The following CPA6 variants were observed in gnomAD, a reference collection of about 807,000 sequenced individuals.
CPA6 encodes the protein carboxypeptidase A6.
A neutral mutation model predicts 63.3 loss-of-function variants in CPA6; 58 were observed. That is an observed-to-expected ratio of 0.92 (90% confidence interval 0.74 to 1.14). The LOEUF (loss-of-function observed/expected upper bound fraction) is 1.14, where lower values mean the gene tolerates loss of function less well. CPA6 is among the 50% of genes most tolerant of loss of function. The pLI, the probability that CPA6 is intolerant of heterozygous loss-of-function variation, is 0.00. For missense variants in CPA6, 565 were observed against 526.6 expected, an observed-to-expected ratio of 1.07 and a Z score of -0.71; for synonymous variants, 185 against 179.0, an observed-to-expected ratio of 1.03 and a Z score of -0.27.
At chr8:67,690,817 T>A (rs1021746569) in intron 1 of CPA6, among the ~76,000 whole-genome samples, 2 of 152,210 alleles carry the variant, frequency 1.3e-5, no homozygotes, top group African/African-American at 2.4e-5. Context: ...TATGTCATAC[T>A]TCATATTCAA....
At chr8:67,733,934 G>A (rs1300515179) in intron 1 of CPA6, among the ~76,000 whole-genome samples, 1 of 151,020 alleles carries the variant, frequency 6.6e-6, no homozygotes, top group Non-Finnish European at 1.5e-5. Context: ...GAGCGCAGTG[G>A]TGCAATCATG....
chr8:67,519,879 A>T (rs139265851), intron 2 of CPA6, among the ~76,000 whole-genome samples: 249 of 152,188 alleles, frequency 1.6e-3, no homozygotes, highest in African/African-American at 5.8e-3. Context: ...ATTGTCAGGC[A>T]TTTTTCTTAA....
chr8:67,443,602 T>C (rs1397473211), intron 8 of CPA6, among the ~76,000 whole-genome samples: 1 of 152,212 alleles, frequency 6.6e-6, no homozygotes, highest in Non-Finnish European at 1.5e-5. Context: ...TTATCTAATT[T>C]TATAACATTC....
intron 2 of CPA6, among the ~76,000 whole-genome samples, chr8:67,588,199 G>A (rs1345251800): frequency 6.6e-6 from 1 of 152,152 alleles, no homozygotes; most frequent in African/African-American, 2.4e-5. Flanking sequence ...TCAGTATAAG[G>A]GATCAGGTTC....
chr8:67,460,878 G>A (rs1317376074), intron 8 of CPA6, among the ~76,000 whole-genome samples: 1 of 152,092 alleles, frequency 6.6e-6, no homozygotes, highest in Non-Finnish European at 1.5e-5. Flanking sequence ...AGTACCAGGA[G>A]AGAAGATGGG....
chr8:67,712,352 G>C (rs1347728487), intron 1 of CPA6, among the ~76,000 whole-genome samples: 6 of 152,178 alleles, frequency 3.9e-5, no homozygotes, highest in African/African-American at 1.2e-4. Flanking sequence ...GGTGGTAACA[G>C]AGAATTTTAT....
intron 6 of CPA6, among the ~76,000 whole-genome samples, chr8:67,492,095 T>C (rs1302441467): frequency 6.6e-6 from 1 of 152,158 alleles, no homozygotes; most frequent in Admixed American, 6.6e-5. Flanking sequence ...GTGCTAATGC[T>C]GGAGGTGAGA....
At chr8:67,590,741 T>C (rs1269935357) in intron 2 of CPA6, among the ~76,000 whole-genome samples, 1 of 151,734 alleles carries the variant, frequency 6.6e-6, no homozygotes, top group East Asian at 1.9e-4. Context: ...GGGTTGTTTT[T>C]TTCTTGTAAA....
chr8:67,643,975 C>G (rs1015092936), intron 1 of CPA6, among the ~76,000 whole-genome samples: 3 of 152,042 alleles, frequency 2.0e-5, no homozygotes, highest in African/African-American at 7.2e-5. Flanking sequence ...TAACACTTAT[C>G]CTGAGAAAGA....
intron 8 of CPA6, among the ~76,000 whole-genome samples, chr8:67,460,846 T>A (rs1379637376): frequency 1.3e-5 from 2 of 152,146 alleles, no homozygotes; most frequent in Non-Finnish European, 2.9e-5. Flanking sequence ...TCAATCTGTT[T>A]CACAGTCAGC....
chr8:67,463,407 G>A (rs1291452447), intron 8 of CPA6, among the ~76,000 whole-genome samples: 1 of 151,882 alleles, frequency 6.6e-6, no homozygotes, highest in Non-Finnish European at 1.5e-5. Context: ...TTGCGCCACT[G>A]CACTCCAGTC....
At chr8:67,715,504 CA>C (rs2129000926) in intron 1 of CPA6, among the ~76,000 whole-genome samples, 1 of 152,304 alleles carries the variant, frequency 6.6e-6, no homozygotes, top group South Asian at 2.1e-4. Context: ...ATGCCCACAC[CA>C]GCTGTGTTTA....
At chr8:67,482,856 T>G (rs954533509) in intron 8 of CPA6, among the ~76,000 whole-genome samples, 3 of 152,238 alleles carry the variant, frequency 2.0e-5, no homozygotes, top group Non-Finnish European at 4.4e-5. Flanking sequence ...ATGTTCTTAT[T>G]TGCCAATTCT....
chr8:67,712,121 AG>A (rs1189313925), intron 1 of CPA6, among the ~76,000 whole-genome samples: 1 of 152,186 alleles, frequency 6.6e-6, no homozygotes, highest in Non-Finnish European at 1.5e-5. Flanking sequence ...GGGATGGCTC[AG>A]CCCCAGGGAA....
chr8:67,607,106 TTCCTCCTCC>T (rs1196391380), intron 2 of CPA6, among the ~76,000 whole-genome samples: 7 of 77,804 alleles, frequency 9.0e-5, no homozygotes, highest in East Asian at 3.9e-4. Context: ...TTCTTCTTCT[TTCCTCCTCC>T]TCCTCCTCCT....
intron 1 of CPA6, among the ~76,000 whole-genome samples, chr8:67,734,985 C>A (rs887788996): frequency 1.3e-5 from 2 of 152,076 alleles, no homozygotes; most frequent in Middle Eastern, 3.2e-3. Context: ...AAACATAGAC[C>A]AGGGTCCTCA....
At chr8:67,662,597 A>ATACATACACATGTATATGTATATATAG (rs1816142094) in intron 1 of CPA6, among the ~76,000 whole-genome samples, 1 of 47,570 alleles carries the variant, frequency 2.1e-5, no homozygotes, top group African/African-American at 2.6e-4. Flanking sequence ...GTATATATAG[A>ATACATACACATGTATATGTATATATAG]ATACATACAC....
At chr8:67,458,088 C>T (rs886464374) in intron 8 of CPA6, among the ~76,000 whole-genome samples, 1 of 152,074 alleles carries the variant, frequency 6.6e-6, no homozygotes, top group Non-Finnish European at 1.5e-5. Context: ...CTACACCCTT[C>T]GCAAAAATAA....
At chr8:67,552,877 T>C (rs1476777557) in intron 2 of CPA6, among the ~76,000 whole-genome samples, 1 of 151,900 alleles carries the variant, frequency 6.6e-6, no homozygotes, top group Non-Finnish European at 1.5e-5. Flanking sequence ...TCAATTTGGT[T>C]AAAATAAGTT....
Sources: gnomAD v4.1 joint callset for allele counts (sites outside exome capture counted in the v4.1 genomes callset) on GRCh38, gnomAD v4.1.1 for gene constraint, MANE v1.5 for transcripts, NCBI Gene and HGNC (gene_info 2026-07-23, HGNC 2026-07-21) for gene names.